The following SPIDR variants were observed in gnomAD, a reference collection of about 807,000 sequenced individuals.
The protein encoded by SPIDR is scaffold protein involved in DNA repair, also known as DNA repair-scaffolding protein.
A neutral mutation model predicts 104.6 loss-of-function variants in SPIDR; 93 were observed. The observed-to-expected ratio is 0.89, with a 90% confidence interval of 0.75 to 1.06. The LOEUF (loss-of-function observed/expected upper bound fraction) is 1.06, where lower values mean the gene tolerates loss of function less well. Ranked by LOEUF, SPIDR falls within the 50% of genes least tolerant of loss-of-function variation. The pLI is 0.00. For missense variants in SPIDR, 1,154 were observed against 1,111.2 expected (o/e 1.04, Z -0.55); for synonymous variants, 431 against 416.9 (o/e 1.03, Z -0.41).
intron 5 of SPIDR, among the ~76,000 whole-genome samples, chr8:47,387,050 G>T (rs960989938): frequency 1.1e-4 from 17 of 152,192 alleles, no homozygotes; most frequent in Non-Finnish European, 4.4e-5. Flanking sequence ...AGACCTGTGT[G>T]ATGAGGGGAT....
At chr8:47,447,796 C>G (rs572607135) in intron 8 of SPIDR, among the ~76,000 whole-genome samples, 8 of 152,252 alleles carry the variant, frequency 5.3e-5, no homozygotes, top group African/African-American at 1.9e-4. Flanking sequence ...CACCACCACC[C>G]CAATCAGTCA....
chr8:47,286,704 C>A (rs2038914806), intron 3 of SPIDR, among the ~76,000 whole-genome samples: 1 of 152,092 alleles, frequency 6.6e-6, no homozygotes, highest in Non-Finnish European at 1.5e-5. Flanking sequence ...AGAACTTAAT[C>A]TAGGGGGAAA....
chr8:47,677,244 C>T (rs1014007238), intron 11 of SPIDR, among the ~76,000 whole-genome samples: 6 of 152,154 alleles, frequency 3.9e-5, no homozygotes, highest in Admixed American at 2.6e-4. Flanking sequence ...TGAGAAGTCA[C>T]GTGGCTTTGG....
At chr8:47,418,202 A>G (rs1299489970) in intron 7 of SPIDR, among the ~76,000 whole-genome samples, 1 of 152,196 alleles carries the variant, frequency 6.6e-6, no homozygotes, top group African/African-American at 2.4e-5. Context: ...GAATCCATAA[A>G]TTACCTTGGA....
At chr8:47,418,485 G>A (rs1444720053) in intron 7 of SPIDR, among the ~76,000 whole-genome samples, 2 of 152,198 alleles carry the variant, frequency 1.3e-5, no homozygotes, top group African/African-American at 2.4e-5. Flanking sequence ...CTGAGACTTT[G>A]CTGAAGTTGC....
chr8:47,366,318 G>T (rs2057201478), intron 5 of SPIDR, among the ~76,000 whole-genome samples: 2 of 152,172 alleles, frequency 1.3e-5, no homozygotes, highest in East Asian at 3.9e-4. Flanking sequence ...AGCCTTAAGT[G>T]CTGGGATGAG....
intron 16 of SPIDR, among the ~76,000 whole-genome samples, chr8:47,724,240 T>TTTAATGAGAACCAGTCAACTAGGCA (rs2083869654): frequency 6.6e-6 from 1 of 152,164 alleles, no homozygotes; most frequent in South Asian, 2.1e-4. Context: ...TGCCAGATCC[T>TTTAATGAGAACCAGTCAACTAGGCA]TTAATGAGAA....
chr8:47,629,395 C>T (rs1045297781), intron 10 of SPIDR, among the ~76,000 whole-genome samples: 13 of 152,170 alleles, frequency 8.5e-5, no homozygotes, highest in Admixed American at 6.5e-4. Flanking sequence ...CAGTCTGAAA[C>T]ACTGAAAGCA....
chr8:47,513,676 G>T (rs528364300), intron 8 of SPIDR, among the ~76,000 whole-genome samples: 5 of 152,290 alleles, frequency 3.3e-5, no homozygotes, highest in African/African-American at 1.2e-4. Flanking sequence ...GCAACAGTAG[G>T]ACTTGAGGGG....
intron 8 of SPIDR, among the ~76,000 whole-genome samples, chr8:47,481,697 G>A (rs2076920142): frequency 6.6e-6 from 1 of 152,152 alleles, no homozygotes; most frequent in Admixed American, 6.5e-5. Context: ...CTTGGAGGTA[G>A]GAAAACAATT....
chr8:47,458,051 G>T (rs1482682296), intron 8 of SPIDR, among the ~76,000 whole-genome samples: 1 of 152,016 alleles, frequency 6.6e-6, no homozygotes, highest in Non-Finnish European at 1.5e-5. Flanking sequence ...TATTCTTTTG[G>T]CTTAGTCTTG....
At chr8:47,679,361 G>A (rs963543713) in intron 11 of SPIDR, among the ~76,000 whole-genome samples, 10 of 152,310 alleles carry the variant, frequency 6.6e-5, no homozygotes, top group East Asian at 5.8e-4. Flanking sequence ...CCCATGGCAC[G>A]TGCCTGCCTT....
chr8:47,396,245 A>T (rs1554658277), intron 5 of SPIDR, 131 bp from the exon 6 acceptor site: 2 of 761,956 alleles, frequency 2.6e-6, no homozygotes, highest in Admixed American at 5.8e-5. Flanking sequence ...AAAGCTGCAG[A>T]TACTGTATTC....
At chr8:47,730,888 C>A (rs755215547) in intron 19 of SPIDR, among the ~76,000 whole-genome samples, 22 of 152,214 alleles carry the variant, frequency 1.4e-4, no homozygotes, top group Non-Finnish European at 3.1e-4. Flanking sequence ...TAAATTGGAA[C>A]ATGGATAAGT....
chr8:47,415,655 A>T (rs782439856), intron 7 of SPIDR, among the ~76,000 whole-genome samples: 1 of 152,186 alleles, frequency 6.6e-6, no homozygotes, highest in Non-Finnish European at 1.5e-5. Context: ...GAAGAATCCA[A>T]CTGTGAGAAT....
chr8:47,404,086 A>T (rs1554665622), intron 6 of SPIDR, among the ~76,000 whole-genome samples: 2 of 152,220 alleles, frequency 1.3e-5, no homozygotes, highest in African/African-American at 4.8e-5. Context: ...ACCTGACAGA[A>T]AGAAGAAATG....
At chr8:47,367,752 G>A (rs1432953143) in intron 5 of SPIDR, among the ~76,000 whole-genome samples, 1 of 152,186 alleles carries the variant, frequency 6.6e-6, no homozygotes, top group Non-Finnish European at 1.5e-5. Flanking sequence ...GTCTTGCTCA[G>A]TGTTGTAGCA....
At chr8:47,352,858 A>G (rs1350438550) in intron 5 of SPIDR, among the ~76,000 whole-genome samples, 5 of 152,042 alleles carry the variant, frequency 3.3e-5, no homozygotes, top group Admixed American at 3.3e-4. Flanking sequence ...GATCGAGACC[A>G]TCCTGGCCAA....
At chr8:47,356,373 C>A (rs2054549441) in intron 5 of SPIDR, among the ~76,000 whole-genome samples, 2 of 152,076 alleles carry the variant, frequency 1.3e-5, no homozygotes, top group Admixed American at 1.3e-4. Flanking sequence ...CAGTGAAGGC[C>A]CCCTCAGAGT....
Sources: gnomAD v4.1 joint callset for allele counts (sites outside exome capture counted in the v4.1 genomes callset) on GRCh38, gnomAD v4.1.1 for gene constraint, MANE v1.5 for transcripts, NCBI Gene and HGNC (gene_info 2026-07-23, HGNC 2026-07-21) for gene names.